Variants in WFS1 observed in about 807,000 individuals in gnomAD.
The protein encoded by WFS1 is wolframin ER transmembrane glycoprotein.
A neutral mutation model predicts 68.5 loss-of-function variants in WFS1; 90 were observed. The observed-to-expected ratio is 1.31, with a 90% confidence interval of 1.11 to 1.56. WFS1 has a LOEUF of 1.56. Ranked by LOEUF, WFS1 falls within the 40% of genes most tolerant of loss-of-function variation. WFS1 has a pLI of 0.00. For missense variants in WFS1, 1,767 were observed against 1,232.6 expected, an observed-to-expected ratio of 1.43 and a Z score of -6.49; for synonymous variants, 860 against 540.7, an observed-to-expected ratio of 1.59 and a Z score of -8.19.
Position 6,289,003 on chromosome 4 carries a change from T to C in WFS1, c.332T>C (p.Leu111Pro). 1 of 1,608,774 alleles carries C rather than the reference T, an allele frequency of 6.2e-7. No individual in the cohort carries two copies. The highest frequency in any genetic ancestry group is 8.5e-7 in the Non-Finnish European group (1 of 1,178,004). Residue 111 changes from leucine (L) to proline (P), a missense_variant, in exon 4 of 8, where the codon CTG becomes CCG. Leu to Pro is a moderately conservative substitution (Grantham distance 98). Coordinates refer to ENST00000226760, the MANE Select transcript of WFS1 (RefSeq NM_006005.3). ...KAQTEVGKHY[L>P]QLAGDTDEEL... is the part of the protein sequence containing the mutation. The stretch of plus-strand genomic sequence containing the variant: ...GGCTTGCAGGTGGGGAAGCACTACC[T>C]GCAGTTGGCCGGCGACACGGATGAA...
In WFS1 at chr4:6,301,681, G is replaced by A. The variant is rs146670741; in HGVS notation, c.1886G>A (p.Arg629Gln). 3.0e-5 allele frequency: 49 copies of A among 1,614,086 alleles called. No homozygotes were observed. Among genetic ancestry groups the A allele is most frequent in the East Asian group, 8.9e-5 (4 of 44,864 alleles). Residue 629 changes from arginine (R) to glutamine (Q), a missense_variant, in exon 8 of 8, where the codon CGG becomes CAG. Arg to Gln is a conservative substitution (Grantham distance 43, BLOSUM62 1). Coordinates refer to ENST00000226760, the MANE Select transcript of WFS1 (RefSeq NM_006005.3). Reference sequence around the variant, plus strand: ...GTGGGGATGGTGAAGTCCCTGACGCGGAGCTCCATGGTCAAGCTCATCCTG... The same window carrying A: ...GTGGGGATGGTGAAGTCCCTGACGCAGAGCTCCATGGTCAAGCTCATCCTG... ...SVVGMVKSLT[R>Q]SSMVKLILVW... is the part of the protein sequence containing the mutation.
At chr4:6,291,389 A>ACCAGCCTTCCCTGGGCG in intron 5 of WFS1, 22 bp downstream of exon 5, 1 of 1,610,062 alleles carries the variant, frequency 6.2e-7, no homozygotes, top group Non-Finnish European at 8.5e-7. Flanking sequence ...CACCCTGGGC[A>ACCAGCCTTCCCTGGGCG]CCAGCCTTCC....
Position 6,297,744 on chromosome 4 carries a change from T to C in WFS1, c.861+2555T>C, listed in dbSNP as rs1477656170. Among the ~76,000 whole-genome samples, 3 of 152,340 alleles carry C rather than the reference T, an allele frequency of 2.0e-5. No homozygotes were observed. The East Asian group carries it at 5.8e-4, about 29-fold the overall frequency. ...CATAGAGGCAGACTCCTCATAGTTT[T>C]TAAGTTTCGTTCTTTTTCCATCTCA... On this transcript the variant is annotated intron_variant, in intron 7 of 7. Coordinates refer to ENST00000226760, the MANE Select transcript of WFS1 (RefSeq NM_006005.3).
At chr4:6,295,500 G>A (rs1409089800) in intron 7 of WFS1, among the ~76,000 whole-genome samples, 1 of 152,154 alleles carries the variant, frequency 6.6e-6, no homozygotes, top group African/African-American at 2.4e-5. Flanking sequence ...CGGGCTGGAC[G>A]CAGACTTTCA....
chr4:6,298,646 A>G (rs1451705333), intron 7 of WFS1, among the ~76,000 whole-genome samples: 1 of 151,504 alleles, frequency 6.6e-6, no homozygotes, highest in East Asian at 2.0e-4. Context: ...CTGTGTAGAC[A>G]TGCATGCACA....
Position 6,300,931 on chromosome 4 carries a change from A to C in WFS1, c.1136A>C (p.Asp379Ala). ...TGGGAGAACTTCCGCACCCTCACCG[A>C]CCTGCTGCTGCGCTTCGAGCCCAAC... ...KAWENFRTLTDLLLRFEPNLD... is the reference protein window; with the variant it reads ...KAWENFRTLTALLLRFEPNLD... Residue 379 changes from aspartate (D) to alanine (A), a missense_variant, in exon 8 of 8, where the codon GAC becomes GCC. By Grantham distance (126) the Asp-to-Ala change is moderately radical. Coordinates refer to ENST00000226760, the MANE Select transcript of WFS1 (RefSeq NM_006005.3). The C allele has an allele frequency of 6.2e-7, 1 of 1,614,018 alleles. No homozygotes were observed.
chr4:6,298,683 T>G (rs559430757), intron 7 of WFS1, among the ~76,000 whole-genome samples: 1 of 152,306 alleles, frequency 6.6e-6, no homozygotes, highest in South Asian at 2.1e-4. Flanking sequence ...GTTTCCTCCA[T>G]GAGCCTGCCC....
rs1185762605 is a variant in WFS1 at position 6,287,941 on chromosome 4, G to A, written c.315+766G>A. Among the ~76,000 whole-genome samples the A allele has an allele frequency of 6.6e-6, 1 of 152,206 alleles. No homozygotes were observed. Among genetic ancestry groups the A allele is most frequent in the African/African-American group, 2.4e-5 (1 of 41,454 alleles). ...CCATAAATTAAGAATTTCTGGCTGGGAGCGGTGGCTCACGCCTGTAATCCC... is the reference window on the plus strand; with the variant it reads ...CCATAAATTAAGAATTTCTGGCTGGAAGCGGTGGCTCACGCCTGTAATCCC... On this transcript the variant is annotated intron_variant, in intron 3 of 7. Transcript: ENST00000226760. This position sits in a 1 kb window ranked among gnomAD's most constrained non-coding sequence, Gnocchi z 6.4.
At chr4:6,278,822 G>A (rs1156748119) in intron 2 of WFS1, among the ~76,000 whole-genome samples, 2 of 152,252 alleles carry the variant, frequency 1.3e-5, no homozygotes, top group Non-Finnish European at 2.9e-5. Context: ...CCTCTGGGCG[G>A]ATGAGGGCCT....
chr4:6,291,683 A>G (rs1459475485), intron 5 of WFS1, among the ~76,000 whole-genome samples: 1 of 152,210 alleles, frequency 6.6e-6, no homozygotes, highest in Non-Finnish European at 1.5e-5. Flanking sequence ...AATGGGACGG[A>G]CTGTGTCCAT....
At chr4:6,290,269 TAC>T (rs1328426624) in intron 4 of WFS1, among the ~76,000 whole-genome samples, 1 of 152,254 alleles carries the variant, frequency 6.6e-6, no homozygotes, top group Non-Finnish European at 1.5e-5. Context: ...ACATTTATTA[TAC>T]AGAGTCTTCT....
At chr4:6,282,431 G>A (rs369311074) in intron 2 of WFS1, among the ~76,000 whole-genome samples, 4 of 152,198 alleles carry the variant, frequency 2.6e-5, no homozygotes, top group African/African-American at 4.8e-5. Context: ...CACGAGAGGC[G>A]CAGAGAGATC....
intron 7 of WFS1, among the ~76,000 whole-genome samples, chr4:6,299,453 T>G (rs1730762466): frequency 7.2e-6 from 1 of 139,152 alleles, no homozygotes. Context: ...GGGGTGGGTG[T>G]GCATGTGTGA....
At chr4:6,280,156 T>G (rs1730118493) in intron 2 of WFS1, among the ~76,000 whole-genome samples, 1 of 152,188 alleles carries the variant, frequency 6.6e-6, no homozygotes, top group African/African-American at 2.4e-5. Flanking sequence ...AGGGCGGGAC[T>G]CCTCATGGCA....
intron 7 of WFS1, among the ~76,000 whole-genome samples, chr4:6,295,833 A>G (rs372407601): frequency 2.0e-5 from 3 of 152,172 alleles, no homozygotes; most frequent in Non-Finnish European, 4.4e-5. Flanking sequence ...TTTCTTGGCC[A>G]TGTGGCCCTA....
At position 6,283,916 on chromosome 4, in the gene WFS1, T is replaced by C. The variant is rs1457564667; in HGVS notation, c.233-3177T>C. 1.3e-5 allele frequency among the ~76,000 whole-genome samples: 2 copies of C among 152,028 alleles called. No individual in the cohort carries two copies. Among genetic ancestry groups the C allele is most frequent in the Non-Finnish European group, 2.9e-5 (2 of 67,998 alleles). ...GGTGGTCCACACTGATGCAGCCGGC[T>C]TCTGGGGGTGATCTTTCTGGCACTG... On this transcript the variant is annotated intron_variant, in intron 2 of 7. Transcript: ENST00000226760. The surrounding 1 kb of genome is among the most constrained non-coding windows in gnomAD (Gnocchi z 5.0).
chr4:6,285,521 C>T (rs1275134772), intron 2 of WFS1, among the ~76,000 whole-genome samples: 2 of 152,172 alleles, frequency 1.3e-5, no homozygotes, highest in African/African-American at 4.8e-5. Flanking sequence ...CTTTCCTTCT[C>T]CAAACACATG....
Position 6,294,383 on chromosome 4 carries a change from G to A in WFS1, c.713-658G>A, listed in dbSNP as rs578248560. On this transcript the variant is annotated intron_variant, in intron 6 of 7. Coordinates refer to ENST00000226760, the MANE Select transcript of WFS1 (RefSeq NM_006005.3). ...AGGCTCTTGGTGGAAGATGTTGGAT[G>A]GAGGGGTAAGTCGGCCCATGGCAGG... Among the ~76,000 whole-genome samples the A allele has an allele frequency of 2.0e-5, 3 of 152,296 alleles. No individual in the cohort carries two copies. The South Asian group carries it at 6.2e-4, about 32-fold the overall frequency.
At chr4:6,278,277 C>T (rs1029792669) in intron 2 of WFS1, among the ~76,000 whole-genome samples, 2 of 152,218 alleles carry the variant, frequency 1.3e-5, no homozygotes, top group Non-Finnish European at 2.9e-5. Context: ...TGTTCACAGG[C>T]AGAGCTGACA....
Sources: gnomAD v4.1 joint callset for allele counts (sites outside exome capture counted in the v4.1 genomes callset) on GRCh38, gnomAD v4.1.1 for gene constraint, Gnocchi (gnomAD v3.1) non-coding constraint, MANE v1.5 for transcripts, NCBI Gene and HGNC (gene_info 2026-07-23, HGNC 2026-07-21) for gene names.